SETD2: variants seen among roughly 807,000 people sequenced by gnomAD.
The protein encoded by SETD2 is SET domain containing 2, histone lysine methyltransferase, also known as histone-lysine N-methyltransferase SETD2.
A neutral mutation model predicts 242.1 loss-of-function variants in SETD2; 31 were observed. That is an observed-to-expected ratio of 0.13 (90% confidence interval 0.10 to 0.17). The LOEUF (loss-of-function observed/expected upper bound fraction) is 0.17, where lower values mean the gene tolerates loss of function less well. Among genes scored for constraint, SETD2 ranks in the 10% least tolerant of loss-of-function variants. The pLI is 1.00. For missense variants in SETD2, 2,481 were observed against 3,046.3 expected (o/e 0.81, Z 4.37); for synonymous variants, 1,006 against 1,066.5 (o/e 0.94, Z 1.11).
chr3:47,109,472 C>T (rs1245318948), intron 5 of SETD2, among the ~76,000 whole-genome samples: 1 of 152,030 alleles, frequency 6.6e-6, no homozygotes, highest in Non-Finnish European at 1.5e-5. Context: ...ACGGCAAAAC[C>T]CTGTCTCTAC....
rs1173846557 is a variant in SETD2, at chr3:47,017,743, C to G, written c.7432-4G>C. 1 of 1,608,240 alleles carries G rather than the reference C, an allele frequency of 6.2e-7. No individual in the cohort carries two copies. The highest frequency in any genetic ancestry group is 1.7e-5 in the Admixed American group (1 of 59,984). ...ACTGGACGATGAACTGGGACATCTG[C>G]AGGCAGAGAAAAGAGAACACGTTGC... On this transcript the variant is annotated splice_region_variant and splice_polypyrimidine_tract_variant and intron_variant, in intron 19 of 20. Coordinates refer to ENST00000409792, the MANE Select transcript of SETD2 (RefSeq NM_014159.7). This position sits in a 1 kb window ranked among gnomAD's most constrained non-coding sequence, Gnocchi z 4.8.
chr3:47,060,235 T>C (rs1040661482), intron 14 of SETD2, among the ~76,000 whole-genome samples: 1 of 152,106 alleles, frequency 6.6e-6, no homozygotes, highest in Admixed American at 6.6e-5. Context: ...GCACTCCAGC[T>C]TGGGCAACAG....
At chr3:47,138,029 T>A (rs557480543) in intron 1 of SETD2, among the ~76,000 whole-genome samples, 244 of 151,950 alleles carry the variant, frequency 1.6e-3, no homozygotes, top group Non-Finnish European at 2.9e-3. Flanking sequence ...TGGAGTGCAG[T>A]GGCGCGATCT....
At chr3:47,098,121 G>A (rs201796547) in intron 8 of SETD2, 40 bp from the exon 9 acceptor site, 2 of 1,609,416 alleles carry the variant, frequency 1.2e-6, no homozygotes, top group Non-Finnish European at 1.7e-6. Context: ...CTATGTGGAA[G>A]TAAACCATAC....
At position 47,120,136 on chromosome 3, in the gene SETD2, C is replaced by A. The variant is rs996505523; in HGVS notation, c.4454+46G>T. On this transcript the variant is annotated intron_variant, in intron 3 of 20. Coordinates refer to ENST00000409792, the MANE Select transcript of SETD2 (RefSeq NM_014159.7). The stretch of plus-strand genomic sequence containing the variant: ...ATTGTTTAAAGGCTTTTTCTAACAA[C>A]AAAAAAAGAGTTAAAATTTGTCAAA... 2.5e-5 allele frequency: 35 copies of A among 1,409,080 alleles called. 1 individual carries two copies. The highest frequency in any genetic ancestry group is 1.4e-4 in the Admixed American group (6 of 43,508). The allele number at this position is 1,409,080 out of a possible 1,614,324, so 87.3% of individuals were successfully genotyped here. A position where few individuals can be genotyped will look rare whatever the true frequency, so the allele number is the denominator to read the frequency against.
At chr3:47,087,841 C>T (rs547414701) in intron 10 of SETD2, among the ~76,000 whole-genome samples, 1 of 139,890 alleles carries the variant, frequency 7.1e-6, no homozygotes, top group Non-Finnish European at 1.5e-5. Context: ...TGGTGGCTGG[C>T]GCCTGTAATC....
At chr3:47,109,058 CCTT>C (rs1297682462) in intron 5 of SETD2, among the ~76,000 whole-genome samples, 4 of 152,088 alleles carry the variant, frequency 2.6e-5, no homozygotes, top group Admixed American at 6.6e-5. Flanking sequence ...TCATTGAACT[CCTT>C]CTCCTTAAAG....
intron 12 of SETD2, among the ~76,000 whole-genome samples, chr3:47,071,813 A>G (rs2040833091): frequency 6.6e-6 from 1 of 152,206 alleles, no homozygotes; most frequent in African/African-American, 2.4e-5. Flanking sequence ...CTTACTTTAC[A>G]ACGTTTTCTT....
rs75248784 is a variant in SETD2 at position 47,122,093 on chromosome 3, G to A, written c.2543C>T (p.Ala848Val). ...SRNLTDHSKF[A>V]CEEYKQSIGS... is the part of the protein sequence containing the mutation. ...GATGCTCTGCTTATATTCTTCACAT[G>A]CAAATTTTGAGTGATCTGTCAAATT... The change falls in exon 3 of 21, where the codon GCA (alanine) becomes GTA (valine). Residue 848 changes from alanine to valine, a missense_variant. Ala to Val is a moderately conservative substitution (Grantham distance 64). This residue lies in a region of SETD2 where 1,300 missense variants were observed against 1,259.2 expected (regional missense o/e 1.03). Transcript: ENST00000409792. 2,430 of 1,613,772 alleles carry A rather than the reference G, an allele frequency of 1.5e-3. 38 individuals are homozygous for A. The African/African-American group carries it at 0.03, about 20-fold the overall frequency.
At chr3:47,053,457 T>C (rs1398429857) in intron 15 of SETD2, among the ~76,000 whole-genome samples, 1 of 152,154 alleles carries the variant, frequency 6.6e-6, no homozygotes, top group Non-Finnish European at 1.5e-5. Flanking sequence ...TTTGTATAAC[T>C]TTGTGAGAGT....
At chr3:47,103,159 G>A (rs1379610494) in intron 7 of SETD2, among the ~76,000 whole-genome samples, 187 bp downstream of exon 7, 1 of 152,130 alleles carries the variant, frequency 6.6e-6, no homozygotes, top group Non-Finnish European at 1.5e-5. Flanking sequence ...TATGGGTGTA[G>A]TCAATACTAT....
rs142211287 is a variant in SETD2, at chr3:47,031,267, A to G, written c.7350+6399T>C. On this transcript the variant is annotated intron_variant, in intron 18 of 20. Coordinates refer to ENST00000409792, the MANE Select transcript of SETD2 (RefSeq NM_014159.7). ...AAATTATGGACTTTGGGTGGTAATA[A>G]TGTGTCATAGTAGATTCATCAATTG... Among the ~76,000 whole-genome samples, 493 of 152,336 alleles carry G rather than the reference A, an allele frequency of 3.2e-3. 3 individuals are homozygous for G. Among genetic ancestry groups the G allele is most frequent in the African/African-American group, 0.011 (461 of 41,574 alleles).
At chr3:47,118,964 G>C (rs2042968334) in intron 3 of SETD2, among the ~76,000 whole-genome samples, 1 of 151,982 alleles carries the variant, frequency 6.6e-6, no homozygotes, top group Admixed American at 6.6e-5. Flanking sequence ...AGCTGTAAAA[G>C]GCTCTCTGTT....
intron 17 of SETD2, 44 bp downstream of exon 17, chr3:47,042,517 T>A: frequency 6.2e-7 from 1 of 1,607,818 alleles, no homozygotes; most frequent in Non-Finnish European, 8.5e-7. Flanking sequence ...ACTTCTTTGA[T>A]TAAGTAAAAG....
At chr3:47,118,095 T>C (rs2042933537) in intron 3 of SETD2, among the ~76,000 whole-genome samples, 1 of 152,218 alleles carries the variant, frequency 6.6e-6, no homozygotes, top group Non-Finnish European at 1.5e-5. Flanking sequence ...AAGAGTGTTA[T>C]GATAGTTTTA....
chr3:47,122,671 TAA>T lies in SETD2; in HGVS notation c.1963_1964del (p.Leu655IlefsTer2). The stretch of plus-strand genomic sequence containing the variant: ...TTAATTGATCATTCTTCACTTTAGA[TAA>T]AGAGTCTAATTCCTTAATACTATCA... Reference protein sequence around the residue: ...SHDSIKELDSLSKVKNDQLRS... With the variant: ...SHDSIKELDSXSKVKNDQLRS... On this transcript the variant is annotated frameshift_variant, in exon 3 of 21. Coordinates refer to ENST00000409792, the MANE Select transcript of SETD2 (RefSeq NM_014159.7). LOFTEE classifies it high-confidence loss of function. 1 of 1,613,466 alleles carries T rather than the reference TAA, an allele frequency of 6.2e-7. No homozygotes were observed. Among genetic ancestry groups the T allele is most frequent in the Non-Finnish European group, 8.5e-7 (1 of 1,179,582 alleles).
At chr3:47,025,294 C>T (rs1256895241) in intron 18 of SETD2, among the ~76,000 whole-genome samples, 2 of 152,182 alleles carry the variant, frequency 1.3e-5, no homozygotes, top group Admixed American at 6.5e-5. Context: ...CTCAATCCTG[C>T]TTTTCAGTCT....
intron 18 of SETD2, among the ~76,000 whole-genome samples, chr3:47,033,090 A>T (rs1200357391): frequency 6.6e-6 from 1 of 152,120 alleles, no homozygotes; most frequent in Non-Finnish European, 1.5e-5. Flanking sequence ...ATTCTTTTAC[A>T]TTTTCAAATC....
chr3:47,127,491 G>C, intron 1 of SETD2: 1 of 414,022 alleles, frequency 2.4e-6, no homozygotes, highest in Non-Finnish European at 4.8e-6. Flanking sequence ...ACTTTAAGAG[G>C]CTAAATTGGG....
Sources: allele counts gnomAD v4.1 joint callset (sites outside exome capture counted in the v4.1 genomes callset), GRCh38; gene constraint gnomAD v4.1.1; regional missense constraint gnomAD v4.1.1; non-coding constraint Gnocchi (gnomAD v3.1); transcripts MANE v1.5; gene names NCBI Gene and HGNC (gene_info 2026-07-23, HGNC 2026-07-21).